ZC3H4: variants seen among roughly 807,000 people sequenced by gnomAD.
ZC3H4 encodes zinc finger CCCH domain-containing protein 4.
In ZC3H4, 13 loss-of-function variants were observed where a neutral mutation model predicts 108.3. The observed-to-expected ratio is 0.12, with a 90% CI of 0.08 to 0.19. The LOEUF (loss-of-function observed/expected upper bound fraction) is 0.19, where lower values mean the gene tolerates loss of function less well. Ranked by LOEUF, ZC3H4 falls within the 10% of genes least tolerant of loss-of-function variation. The probability of loss-of-function intolerance (pLI) is 1.00; values close to 1 mark genes in which losing one functional copy is unlikely to be tolerated. For synonymous variants in ZC3H4, 917 were observed against 749.6 expected, an observed-to-expected ratio of 1.22 and a Z score of -3.65; for missense variants, 1,734 against 1,838.8, an observed-to-expected ratio of 0.94 and a Z score of 1.04.
rs2057353401 is a variant in ZC3H4, at chr19:47,072,735, A to AG, written c.1441-23dup. ...ACATCTGCGGGTGTGAAAGAACAAA[A>AG]GAAGGTGTGGACGGGGTCAGGATGG... On this transcript the variant is annotated intron_variant, in intron 11 of 14. Transcript: ENST00000253048. This position sits in a 1 kb window ranked among gnomAD's most constrained non-coding sequence, Gnocchi z 5.6. 1 of 1,612,350 alleles carries AG rather than the reference A, an allele frequency of 6.2e-7. No individual in the cohort carries two copies. The highest frequency in any genetic ancestry group is 8.5e-7 in the Non-Finnish European group (1 of 1,179,884).
chr19:47,109,709 T>A (rs1249092619), intron 2 of ZC3H4, among the ~76,000 whole-genome samples: 1 of 152,166 alleles, frequency 6.6e-6, no homozygotes, highest in Non-Finnish European at 1.5e-5. Flanking sequence ...TGAATTGCAG[T>A]TTCCTCATCT....
In ZC3H4 at chr19:47,069,164, T is replaced by G. The variant is rs2057278226; in HGVS notation, c.2326A>C (p.Lys776Gln). Residue 776 changes from lysine to glutamine, a missense_variant, in exon 14 of 15, where the codon AAG becomes CAG. Around this residue, in one of 9 missense-constraint regions of ZC3H4, gnomAD observed 540 missense variants for 484.1 expected, o/e 1.12. Transcript: ENST00000253048. ...GCTCTCTCCTCCTCCTCCTGCTGCT[T>G]CTGCTGGATCCTCAGGTACAGGGCC... ...QRALYLRIQQKQQEEEERARR... is the reference protein window; with the variant it reads ...QRALYLRIQQQQQEEEERARR... 1 of 1,608,922 alleles carries G rather than the reference T, an allele frequency of 6.2e-7. No individual in the cohort carries two copies. The highest frequency in any genetic ancestry group is 8.5e-7 in the Non-Finnish European group (1 of 1,179,950).
chr19:47,072,232 G>A lies in ZC3H4; in HGVS notation c.1803-111C>T. The A allele has an allele frequency of 8.6e-6, 12 of 1,392,026 alleles. No homozygotes were observed. The highest frequency in any genetic ancestry group is 1.2e-5 in the Non-Finnish European group (12 of 1,030,300). The allele number at this position is 1,392,026 out of a possible 1,614,324, so 86.2% of individuals were successfully genotyped here. A position where few individuals can be genotyped will look rare whatever the true frequency, so the allele number is the denominator to read the frequency against. On this transcript the variant is annotated intron_variant, in intron 12 of 14. Transcript: ENST00000253048. The surrounding 1 kb of genome is among the most constrained non-coding windows in gnomAD (Gnocchi z 5.6). ...CCGAAGGTCATGGGCCCCAGACCAG[G>A]ACTCCCACAGCTGGGGAGAGAGGCA...
In ZC3H4 at chr19:47,071,998, AGGGTGCATGTCCGGGTGCATGTCG is replaced by A. The variant is rs767836982; in HGVS notation, c.1902_1925del (p.Pro638_His645del). On this transcript the variant is annotated inframe_deletion, in exon 13 of 15. Coordinates refer to ENST00000253048, the MANE Select transcript of ZC3H4 (RefSeq NM_015168.2). ...CTGCGTGCATGTCTGCGTGCATGTCAGGGTGCATGTCCGGGTGCATGTCGGGGTGCATGTCAGGATGCATTGGAC... is the reference window on the plus strand; with the variant it reads ...CTGCGTGCATGTCTGCGTGCATGTCAGGGTGCATGTCAGGATGCATTGGAC... 306 of 1,583,020 alleles carry A rather than the reference AGGGTGCATGTCCGGGTGCATGTCG, an allele frequency of 1.9e-4. 6 individuals carry two copies. In the South Asian group the frequency reaches 2.1e-3, roughly 11 times the overall value.
chr19:47,104,319 A>AAAT (rs566928989), intron 2 of ZC3H4, among the ~76,000 whole-genome samples: 2,803 of 152,098 alleles, frequency 0.018, 93 homozygotes, highest in African/African-American at 0.065. Context: ...ACTCTGTCTA[A>AAAT]AATAATAATA....
intron 2 of ZC3H4, among the ~76,000 whole-genome samples, chr19:47,104,670 G>C (rs974938042): frequency 1.3e-5 from 2 of 152,236 alleles, no homozygotes; most frequent in African/African-American, 4.8e-5. Flanking sequence ...TGCACAGACT[G>C]AACAGAGGAG....
intron 2 of ZC3H4, among the ~76,000 whole-genome samples, chr19:47,104,695 G>A (rs530600366): frequency 1.1e-4 from 16 of 152,310 alleles, no homozygotes; most frequent in African/African-American, 3.1e-4. Flanking sequence ...GCCCTGCCTC[G>A]GATGCAGCCC....
At chr19:47,088,867 C>T (rs1329142564) in intron 5 of ZC3H4, among the ~76,000 whole-genome samples, 1 of 152,094 alleles carries the variant, frequency 6.6e-6, no homozygotes, top group East Asian at 1.9e-4. Context: ...TAGGATCTCC[C>T]CAAAGCACAG....
chr19:47,094,650 G>T (rs766126085), intron 2 of ZC3H4, 42 bp from the exon 3 acceptor site: 1 of 1,604,426 alleles, frequency 6.2e-7, no homozygotes, highest in African/African-American at 1.3e-5. Flanking sequence ...CAGGGTTTGA[G>T]AGGAGACCTC....
chr19:47,065,867 C>CGCCGTATCAT lies in ZC3H4; in HGVS notation c.*488_*489insATGATACGGC. On this transcript the variant is annotated 3_prime_UTR_variant, in exon 15 of 15. Transcript: ENST00000253048. Reference sequence around the variant, plus strand: ...GACAGTGATGGTGCACCCTAGGGTTCTAGAAACGCCTGGACCTGCTTCCAC... The same window carrying CGCCGTATCAT: ...GACAGTGATGGTGCACCCTAGGGTTCGCCGTATCATTAGAAACGCCTGGACCTGCTTCCAC... 6.5e-6 allele frequency: 1 copy of CGCCGTATCAT among 153,772 alleles called. No homozygotes were observed. The highest frequency in any genetic ancestry group is 1.4e-5 in the Non-Finnish European group (1 of 69,114). 9.5% of individuals were successfully genotyped at this position (153,772 alleles called of 1,614,324 possible). A position where few individuals can be genotyped will look rare whatever the true frequency, so the allele number is the denominator to read the frequency against.
At chr19:47,108,963 CTTT>C (rs1461183957) in intron 2 of ZC3H4, among the ~76,000 whole-genome samples, 1 of 152,108 alleles carries the variant, frequency 6.6e-6, no homozygotes, top group Non-Finnish European at 1.5e-5. Flanking sequence ...TCACAACAGA[CTTT>C]TTTTCTACTA....
chr19:47,094,748 T>C (rs2057794201), intron 2 of ZC3H4, 140 bp from the exon 3 acceptor site: 6 of 787,994 alleles, frequency 7.6e-6, no homozygotes, highest in South Asian at 5.1e-5. Flanking sequence ...ATGGGGGCCA[T>C]GGCCTCTTGT....
intron 2 of ZC3H4, among the ~76,000 whole-genome samples, chr19:47,100,557 CT>C (rs113156804): frequency 1.4e-4 from 21 of 151,860 alleles, no homozygotes; most frequent in Admixed American, 4.0e-4. Flanking sequence ...CTACCCACTG[CT>C]GGCATCTAGA....
At chr19:47,079,801 C>T (rs538430461) in intron 11 of ZC3H4, among the ~76,000 whole-genome samples, 4 of 152,276 alleles carry the variant, frequency 2.6e-5, no homozygotes, top group South Asian at 4.1e-4. Flanking sequence ...GCAGGACAAA[C>T]GCTTGAACCC....
intron 14 of ZC3H4, among the ~76,000 whole-genome samples, chr19:47,068,227 G>C (rs575722335): frequency 6.6e-6 from 1 of 152,352 alleles, no homozygotes; most frequent in Non-Finnish European, 1.5e-5. Flanking sequence ...GATCGGGCTA[G>C]GACTCCTAAC....
chr19:47,094,328 C>G, intron 3 of ZC3H4, 61 bp downstream of exon 3: 1 of 1,589,474 alleles, frequency 6.3e-7, no homozygotes, highest in Non-Finnish European at 8.6e-7. Context: ...AGCTCAGCCC[C>G]TGGGGCTCTC....
intron 5 of ZC3H4, among the ~76,000 whole-genome samples, chr19:47,088,140 T>C (rs896357240): frequency 6.6e-6 from 1 of 152,044 alleles, no homozygotes; most frequent in Non-Finnish European, 1.5e-5. Context: ...GCCACTGCAC[T>C]GCAGACTGGG....
chr19:47,071,550 T>C (rs1402466009), intron 13 of ZC3H4, among the ~76,000 whole-genome samples: 1 of 152,144 alleles, frequency 6.6e-6, no homozygotes, highest in East Asian at 1.9e-4. Flanking sequence ...AGGCACAGCT[T>C]GCAAAATTAA....
At chr19:47,111,453 T>C (rs746942072) in intron 2 of ZC3H4, among the ~76,000 whole-genome samples, 5 of 152,136 alleles carry the variant, frequency 3.3e-5, no homozygotes, top group Admixed American at 2.6e-4. Flanking sequence ...GAAGAGACGG[T>C]GCCCCATTTT....
Sources: allele counts gnomAD v4.1 joint callset (sites outside exome capture counted in the v4.1 genomes callset), GRCh38; gene constraint gnomAD v4.1.1; regional missense constraint gnomAD v4.1.1; non-coding constraint Gnocchi (gnomAD v3.1); transcripts MANE v1.5; gene names NCBI Gene and HGNC (gene_info 2026-07-23, HGNC 2026-07-21).